Variants in FHIT observed in about 807,000 individuals in gnomAD.
FHIT encodes bis(5'-adenosyl)-triphosphatase.
Under a neutral mutation model 17.9 loss-of-function variants are expected in FHIT, and 19 were observed. That is an observed-to-expected ratio of 1.06 (90% CI 0.74 to 1.56). The LOEUF (loss-of-function observed/expected upper bound fraction) is 1.56. Among genes scored for constraint, FHIT ranks in the 40% most tolerant of loss-of-function variants. The pLI is 0.00. For missense variants in FHIT, 248 were observed against 189.2 expected (o/e 1.31, Z -1.82); for synonymous variants, 81 against 69.7 (o/e 1.16, Z -0.81).
Position 60,453,157 on chromosome 3 carries a change from C to T in FHIT, c.103+83703G>A, listed in dbSNP as rs371030574. On this transcript the variant is annotated intron_variant, in intron 5 of 9. Coordinates refer to ENST00000492590, the MANE Select transcript of FHIT (RefSeq NM_002012.4). ...TTGGGAATATAATGATGCAATTATA[C>T]GCTGTCATGAACAGTTTAATTATTT... Among the ~76,000 whole-genome samples, 10 of 151,882 alleles carry T rather than the reference C, an allele frequency of 6.6e-5. No homozygotes were observed. In the East Asian group the frequency reaches 7.8e-4, roughly 12 times the overall value.
intron 5 of FHIT, among the ~76,000 whole-genome samples, chr3:60,169,856 G>A (rs902256351): frequency 1.3e-5 from 2 of 152,128 alleles, no homozygotes; most frequent in African/African-American, 4.8e-5. Context: ...GAGGGAGGAG[G>A]TAGAATAAAA....
intron 4 of FHIT, among the ~76,000 whole-genome samples, chr3:60,715,779 AAAAAC>A (rs1185444692): frequency 6.6e-6 from 1 of 152,174 alleles, no homozygotes; most frequent in African/African-American, 2.4e-5. Flanking sequence ...AATAATAATA[AAAAAC>A]AAAACAAAAC....
At chr3:60,506,861 T>C (rs9825503) in intron 5 of FHIT, among the ~76,000 whole-genome samples, 23,192 of 152,184 alleles carry the variant, frequency 0.15, 2,081 homozygotes, top group Middle Eastern at 0.24. Context: ...GATGTTGTTG[T>C]AAACTACCAA....
chr3:59,756,080 A>T (rs1423702077), intron 8 of FHIT, among the ~76,000 whole-genome samples: 1 of 152,202 alleles, frequency 6.6e-6, no homozygotes, highest in Non-Finnish European at 1.5e-5. Flanking sequence ...ACTGTCAGTC[A>T]TTAGCATTAT....
intron 5 of FHIT, among the ~76,000 whole-genome samples, chr3:60,383,341 T>G (rs1193071769): frequency 6.6e-6 from 1 of 152,150 alleles, no homozygotes; most frequent in Non-Finnish European, 1.5e-5. Flanking sequence ...GAAACTTTAA[T>G]TAGGTATTTC....
At chr3:60,888,992 A>G (rs1372241716) in intron 3 of FHIT, among the ~76,000 whole-genome samples, 2 of 152,106 alleles carry the variant, frequency 1.3e-5, no homozygotes, top group East Asian at 3.9e-4. Context: ...TTTGCCTTCT[A>G]CTTTTAAACT....
chr3:60,860,153 T>TGATATACATCATATGTATATATGGTATAC (rs1703593703), intron 3 of FHIT, among the ~76,000 whole-genome samples: 3 of 66,272 alleles, frequency 4.5e-5, no homozygotes, highest in African/African-American at 6.9e-5. Flanking sequence ...ATATGGTATA[T>TGATATACATCATATGTATATATGGTATAC]ATGATATACA....
At chr3:61,176,367 A>G (rs2038156424) in intron 2 of FHIT, among the ~76,000 whole-genome samples, 1 of 152,238 alleles carries the variant, frequency 6.6e-6, no homozygotes, top group Admixed American at 6.5e-5. Flanking sequence ...CCACCAGGAA[A>G]CTTGCTGTGT....
chr3:59,918,626 G>C (rs986878806), intron 8 of FHIT, among the ~76,000 whole-genome samples: 1 of 152,172 alleles, frequency 6.6e-6, no homozygotes, highest in Admixed American at 6.5e-5. Context: ...CTGGGGAATA[G>C]TAATCTTTGA....
intron 2 of FHIT, among the ~76,000 whole-genome samples, chr3:61,192,422 G>A (rs555079193): frequency 5.9e-5 from 9 of 152,334 alleles, no homozygotes; most frequent in Admixed American, 2.0e-4. Context: ...AGGCACCCTG[G>A]TGGGTCCCCA....
At chr3:60,810,062 CTGAAGCAGAGA>C in intron 4 of FHIT, among the ~76,000 whole-genome samples, 1 of 152,308 alleles carries the variant, frequency 6.6e-6, no homozygotes, top group East Asian at 1.9e-4. Context: ...AATGCAAACA[CTGAAGCAGAGA>C]TTTCGCAAGA....
intron 2 of FHIT, among the ~76,000 whole-genome samples, chr3:61,195,781 C>T (rs1560061108): frequency 6.6e-6 from 1 of 152,164 alleles, no homozygotes; most frequent in Non-Finnish European, 1.5e-5. Flanking sequence ...GGAAAAAATA[C>T]TTAGCCTTAA....
At chr3:60,970,087 G>T (rs570801736) in intron 3 of FHIT, among the ~76,000 whole-genome samples, 9 of 152,242 alleles carry the variant, frequency 5.9e-5, no homozygotes, top group South Asian at 4.1e-4. Flanking sequence ...GCCTCCCAAA[G>T]TGTTGGGATT....
chr3:60,429,465 CACA>C (rs1000657007), intron 5 of FHIT, among the ~76,000 whole-genome samples: 18 of 152,052 alleles, frequency 1.2e-4, no homozygotes, highest in Admixed American at 1.2e-3. Flanking sequence ...CCTGAACAGG[CACA>C]ACAACTTCAG....
intron 5 of FHIT, among the ~76,000 whole-genome samples, chr3:60,238,560 T>C (rs1168793732): frequency 2.0e-5 from 3 of 152,168 alleles, no homozygotes; most frequent in Admixed American, 2.0e-4. Flanking sequence ...GCATATGTTA[T>C]GCTGGAACCT....
At chr3:60,391,871 T>C (rs1701245854) in intron 5 of FHIT, among the ~76,000 whole-genome samples, 1 of 152,156 alleles carries the variant, frequency 6.6e-6, no homozygotes. Flanking sequence ...TGTATTAAAA[T>C]GTGTCTTGAG....
chr3:60,415,266 A>C (rs1047224986), intron 5 of FHIT, among the ~76,000 whole-genome samples: 5 of 152,166 alleles, frequency 3.3e-5, no homozygotes, highest in African/African-American at 1.2e-4. Context: ...TTAACAATTT[A>C]AAAAAATAAT....
At chr3:60,085,851 T>C (rs755783605) in intron 5 of FHIT, among the ~76,000 whole-genome samples, 64 of 152,346 alleles carry the variant, frequency 4.2e-4, no homozygotes, top group Non-Finnish European at 5.0e-4. Flanking sequence ...ACAAACTCTT[T>C]GGAAAGTCCC....
intron 2 of FHIT, among the ~76,000 whole-genome samples, chr3:61,075,748 T>C (rs1159225062): frequency 6.6e-6 from 1 of 152,164 alleles, no homozygotes; most frequent in African/African-American, 2.4e-5. Flanking sequence ...TTTGTTCATT[T>C]ATCCATTAAA....
Sources: allele counts gnomAD v4.1 joint callset (sites outside exome capture counted in the v4.1 genomes callset), GRCh38; gene constraint gnomAD v4.1.1; transcripts MANE v1.5; gene names NCBI Gene and HGNC (gene_info 2026-07-23, HGNC 2026-07-21).